Variants in ANK3 observed in about 807,000 individuals in gnomAD.
The protein encoded by ANK3 is ankyrin 3, also known as ankyrin-3.
In ANK3, 57 loss-of-function variants were observed where a neutral mutation model predicts 370.9. The ratio of observed to expected loss-of-function variants is 0.15; its 90% CI spans 0.12 to 0.19. The LOEUF is 0.19. Among genes scored for constraint, ANK3 ranks in the 10% least tolerant of loss-of-function variants. The pLI, the probability that ANK3 is intolerant of heterozygous loss-of-function variation, is 1.00. For synonymous variants in ANK3, 1,929 were observed against 1,946.3 expected (o/e 0.99, Z 0.23); for missense variants, 4,439 against 5,302.1 (o/e 0.84, Z 5.06).
intron 1 of ANK3, among the ~76,000 whole-genome samples, chr10:60,730,276 G>A (rs751413282): frequency 9.9e-5 from 15 of 151,996 alleles, no homozygotes; most frequent in Non-Finnish European, 7.4e-5. Flanking sequence ...TCCCACCTCA[G>A]CCTCCAGAAT....
At chr10:60,152,679 A>G (rs1247966801) in intron 23 of ANK3, among the ~76,000 whole-genome samples, 2 of 152,202 alleles carry the variant, frequency 1.3e-5, no homozygotes, top group East Asian at 1.9e-4. Context: ...CTTTTGTTAC[A>G]AAATACGGCA....
At chr10:60,129,474 G>A (rs571116568) in intron 25 of ANK3, among the ~76,000 whole-genome samples, 2 of 152,006 alleles carry the variant, frequency 1.3e-5, no homozygotes, top group Non-Finnish European at 2.9e-5. Flanking sequence ...CCAGGTGGCC[G>A]GGCATGGTGG....
At chr10:60,213,174 T>C (rs376007960) in intron 9 of ANK3, among the ~76,000 whole-genome samples, 2 of 152,122 alleles carry the variant, frequency 1.3e-5, no homozygotes, top group Non-Finnish European at 2.9e-5. Context: ...AATCAAGCAG[T>C]AAGCATTCCT....
chr10:60,370,689 A>T (rs1372962324), intron 1 of ANK3, among the ~76,000 whole-genome samples: 1 of 152,172 alleles, frequency 6.6e-6, no homozygotes, highest in Non-Finnish European at 1.5e-5. Flanking sequence ...ATGACAGCTT[A>T]GACAAAAATC....
intron 2 of ANK3, among the ~76,000 whole-genome samples, chr10:60,582,551 C>A (rs891304143): frequency 6.6e-6 from 1 of 151,854 alleles, no homozygotes; most frequent in African/African-American, 2.4e-5. Flanking sequence ...TCACCAAGGC[C>A]CAATGGGACT....
chr10:60,266,223 A>G (rs991569335), intron 5 of ANK3, among the ~76,000 whole-genome samples: 6 of 152,234 alleles, frequency 3.9e-5, no homozygotes, highest in African/African-American at 7.2e-5. Context: ...GGATATAACA[A>G]GAAAAGTAGT....
chr10:60,505,791 T>C (rs750600645), intron 2 of ANK3, among the ~76,000 whole-genome samples: 7 of 152,162 alleles, frequency 4.6e-5, no homozygotes, highest in Non-Finnish European at 1.0e-4. Context: ...AGTTAGACTA[T>C]TTTTAAAAAG....
intron 2 of ANK3, among the ~76,000 whole-genome samples, chr10:60,528,651 A>G (rs1157653600): frequency 6.6e-6 from 1 of 152,092 alleles, no homozygotes; most frequent in Non-Finnish European, 1.5e-5. Flanking sequence ...AGCATTATTG[A>G]CATTTTAGGC....
chr10:60,154,176 T>C (rs2095251578), intron 23 of ANK3, among the ~76,000 whole-genome samples: 1 of 152,166 alleles, frequency 6.6e-6, no homozygotes. Flanking sequence ...CTAAATGATA[T>C]AAGAGGTTCT....
In ANK3 at chr10:60,232,133, C is replaced by T. The variant is rs528095933; in HGVS notation, c.897+2555G>A. Among the ~76,000 whole-genome samples the T allele has an allele frequency of 1.8e-3, 268 of 152,244 alleles. 4 individuals carry two copies. Among genetic ancestry groups the T allele is most frequent in the Non-Finnish European group, 8.7e-4 (59 of 68,034 alleles). ...TGAACTTCCTATGTATCCTTTTCTC[C>T]TCCCATTGAACGAAATAGGACATGT... is the stretch of plus-strand genomic sequence containing the variant. On this transcript the variant is annotated intron_variant, in intron 8 of 43. Coordinates refer to ENST00000280772, the MANE Select transcript of ANK3 (RefSeq NM_020987.5).
At chr10:60,234,238 T>C (rs2097295218) in intron 8 of ANK3, among the ~76,000 whole-genome samples, 1 of 152,226 alleles carries the variant, frequency 6.6e-6, no homozygotes, top group Non-Finnish European at 1.5e-5. Flanking sequence ...TTTGGACATA[T>C]ACCCAGAAGT....
rs529572959 is a variant in ANK3 at position 60,135,208 on chromosome 10, G to A, written c.2739-835C>T. On this transcript the variant is annotated intron_variant, in intron 24 of 43. Transcript: ENST00000280772. ...CACATAAGTCATACAGGCAAAGACC[G>A]GAATTGAAGCTAATCTGAGTCTTCA... 6.6e-5 allele frequency among the ~76,000 whole-genome samples: 10 copies of A among 152,280 alleles called. No individual in the cohort carries two copies. The South Asian group carries it at 1.2e-3, about 19-fold the overall frequency.
At chr10:60,591,068 C>G (rs1337408019) in intron 2 of ANK3, among the ~76,000 whole-genome samples, 5 of 152,106 alleles carry the variant, frequency 3.3e-5, no homozygotes, top group African/African-American at 7.2e-5. Flanking sequence ...ACACAAAACA[C>G]AGGGGTAGCA....
chr10:60,642,784 TAA>T (rs1280773992), intron 1 of ANK3, among the ~76,000 whole-genome samples: 1 of 151,968 alleles, frequency 6.6e-6, no homozygotes, highest in Non-Finnish European at 1.5e-5. Flanking sequence ...ATAATAATGA[TAA>T]AATAAAATAA....
At chr10:60,521,465 A>T (rs1401509688) in intron 2 of ANK3, among the ~76,000 whole-genome samples, 2 of 152,112 alleles carry the variant, frequency 1.3e-5, no homozygotes, top group Non-Finnish European at 2.9e-5. Flanking sequence ...TTACAGTTTA[A>T]ATAAAGCCTG....
At chr10:60,330,589 T>C (rs1453600526) in intron 1 of ANK3, among the ~76,000 whole-genome samples, 1 of 152,192 alleles carries the variant, frequency 6.6e-6, no homozygotes, top group East Asian at 1.9e-4. Flanking sequence ...CCAGTTAGAA[T>C]GGCGATCATT....
intron 1 of ANK3, among the ~76,000 whole-genome samples, chr10:60,311,474 CAAAAAA>C (rs57897005): frequency 1.3e-3 from 168 of 125,864 alleles, no homozygotes; most frequent in Middle Eastern, 8.6e-3. Flanking sequence ...ATATGGAAGC[CAAAAAA>C]AAAAAAAAAA....
At chr10:60,067,869 C>T in intron 38 of ANK3, 66 bp downstream of exon 38, 1 of 1,320,240 alleles carries the variant, frequency 7.6e-7, no homozygotes, top group Admixed American at 2.0e-5. Context: ...ATATATTGAA[C>T]TGCTTGTGAG....
In ANK3 at chr10:60,063,971, G is replaced by C. The variant is rs980007229; in HGVS notation, c.12451+186C>G. Among the ~76,000 whole-genome samples, 7 of 152,136 alleles carry C rather than the reference G, an allele frequency of 4.6e-5. No homozygotes were observed. In the South Asian group the frequency reaches 8.3e-4, roughly 18 times the overall value. ...AAAGCTTCTGAAGAATAGAAGTTTAGACTGTTAACACTAAATTAAACAAGT... is the reference window on the plus strand; with the variant it reads ...AAAGCTTCTGAAGAATAGAAGTTTACACTGTTAACACTAAATTAAACAAGT... On this transcript the variant is annotated intron_variant, in intron 39 of 43. Coordinates refer to ENST00000280772, the MANE Select transcript of ANK3 (RefSeq NM_020987.5).
Sources: gnomAD v4.1 joint callset for allele counts (sites outside exome capture counted in the v4.1 genomes callset) on GRCh38, gnomAD v4.1.1 for gene constraint, MANE v1.5 for transcripts, NCBI Gene and HGNC (gene_info 2026-07-23, HGNC 2026-07-21) for gene names.